The following OSBPL10 variants were observed in gnomAD, a reference collection of about 807,000 sequenced individuals.
OSBPL10 encodes the protein oxysterol-binding protein-related protein 10.
OSBPL10 carries 49 observed loss-of-function variants against 81.7 expected under a neutral mutation model. The ratio of observed to expected loss-of-function variants is 0.60; its 90% CI spans 0.48 to 0.76. The LOEUF (loss-of-function observed/expected upper bound fraction) is 0.76. Among genes scored for constraint, OSBPL10 ranks in the 30% least tolerant of loss-of-function variants. The pLI is 0.00. For synonymous variants in OSBPL10, 419 were observed against 383.6 expected (o/e 1.09, Z -1.08); for missense variants, 923 against 987.8 (o/e 0.93, Z 0.88).
intron 1 of OSBPL10, among the ~76,000 whole-genome samples, chr3:31,965,932 T>C (rs1698386331): frequency 9.4e-6 from 1 of 105,918 alleles, no homozygotes; most frequent in Admixed American, 1.3e-4. Flanking sequence ...TAATATATAT[T>C]ATATAAAATA....
intron 1 of OSBPL10, among the ~76,000 whole-genome samples, chr3:31,915,914 C>T (rs767331773): frequency 6.6e-5 from 10 of 151,738 alleles, no homozygotes; most frequent in South Asian, 2.1e-4. Flanking sequence ...ACCAATACGG[C>T]GAAACCCCGT....
At position 31,694,933 on chromosome 3, in the gene OSBPL10, T is replaced by C. The variant is rs1355245838; in HGVS notation, c.1245+7426A>G. Among the ~76,000 whole-genome samples, 8 of 152,330 alleles carry C rather than the reference T, an allele frequency of 5.3e-5. No homozygotes were observed. The East Asian group carries it at 1.5e-3, about 29-fold the overall frequency. ...CCATGCCCAGCTAATTTTGTATTTT[T>C]AGTAGAGACAGGGTTTTTCCATGTT... is the stretch of plus-strand genomic sequence containing the variant. On this transcript the variant is annotated intron_variant, in intron 7 of 11. Coordinates refer to ENST00000396556, the MANE Select transcript of OSBPL10 (RefSeq NM_017784.5).
intron 1 of OSBPL10, among the ~76,000 whole-genome samples, chr3:31,883,100 A>C (rs149124981): frequency 2.1e-4 from 32 of 152,258 alleles, no homozygotes; most frequent in African/African-American, 7.7e-4. Context: ...TGCTCATGGC[A>C]AGTTAGAACA....
intron 2 of OSBPL10, among the ~76,000 whole-genome samples, chr3:32,005,515 A>G (rs1311642865): frequency 1.3e-5 from 2 of 152,214 alleles, no homozygotes; most frequent in Non-Finnish European, 2.9e-5. Flanking sequence ...TGTGACGTCC[A>G]TAAGTATTGG....
intron 5 of OSBPL10, among the ~76,000 whole-genome samples, chr3:31,735,731 T>C (rs1419929140): frequency 2.8e-5 from 4 of 142,396 alleles, no homozygotes; most frequent in Non-Finnish European, 4.7e-5. Flanking sequence ...AGCTAAAATA[T>C]CACTTGCTCA....
rs186948925 is a variant in OSBPL10 at position 31,887,840 on chromosome 3, G to T, written c.282-8010C>A. Among the ~76,000 whole-genome samples the T allele has an allele frequency of 2.0e-5, 3 of 152,142 alleles. No individual in the cohort carries two copies. In the East Asian group the frequency reaches 5.8e-4, roughly 29 times the overall value. ...ATCTTCTTAACTCTTGGAATTTGTG[G>T]CAATGACTAGAGAAATGCAGTGGTC... On this transcript the variant is annotated intron_variant, in intron 1 of 11. Coordinates refer to ENST00000396556, the MANE Select transcript of OSBPL10 (RefSeq NM_017784.5).
intron 6 of OSBPL10, among the ~76,000 whole-genome samples, chr3:31,713,581 G>A (rs1354372606): frequency 6.6e-6 from 1 of 151,986 alleles, no homozygotes; most frequent in Non-Finnish European, 1.5e-5. Flanking sequence ...ACTTTTAGTA[G>A]AGATGGGGAT....
intron 4 of OSBPL10, among the ~76,000 whole-genome samples, chr3:31,774,029 G>T (rs911068309): frequency 2.6e-5 from 4 of 152,100 alleles, no homozygotes; most frequent in Non-Finnish European, 5.9e-5. Context: ...GGGCGTGGTG[G>T]CACGCGCCTG....
At position 31,841,176 on chromosome 3, in the gene OSBPL10, G is replaced by A. The variant is rs1700485740; in HGVS notation, c.538-10945C>T. The stretch of plus-strand genomic sequence containing the variant: ...ACCGCCTCGGCCTCCCAAAGTGTTG[G>A]GATTATAGGCATGAGCCACCGCACC... On this transcript the variant is annotated intron_variant, in intron 3 of 11. Coordinates refer to ENST00000396556, the MANE Select transcript of OSBPL10 (RefSeq NM_017784.5). Among the ~76,000 whole-genome samples the A allele has an allele frequency of 2.0e-5, 3 of 152,296 alleles. No individual in the cohort carries two copies. In the South Asian group the frequency reaches 6.2e-4, roughly 32 times the overall value.
intron 1 of OSBPL10, among the ~76,000 whole-genome samples, chr3:31,951,298 A>C (rs1174672742): frequency 4.6e-5 from 7 of 152,224 alleles, no homozygotes; most frequent in African/African-American, 1.7e-4. Flanking sequence ...AGAAAACTAT[A>C]TACAACATCC....
intron 9 of OSBPL10, 80 bp from the exon 10 acceptor site, chr3:31,668,904 A>AT (rs376063579): frequency 0.012 from 12,608 of 1,077,366 alleles, no homozygotes; most frequent in Non-Finnish European, 0.013. Context: ...ATCTCTAGAG[A>AT]TTTTTTTTTT....
chr3:31,743,017 G>GA (rs1413805561), intron 5 of OSBPL10, among the ~76,000 whole-genome samples: 1 of 144,434 alleles, frequency 6.9e-6, no homozygotes, highest in Non-Finnish European at 1.5e-5. Context: ...AGTCTTGACC[G>GA]AAAAGCTAAA....
intron 6 of OSBPL10, among the ~76,000 whole-genome samples, chr3:31,705,203 T>C (rs1696019587): frequency 1.3e-5 from 2 of 152,234 alleles, no homozygotes; most frequent in Non-Finnish European, 2.9e-5. Context: ...CCACAGCCTC[T>C]GAGAACTTGC....
chr3:31,998,581 C>A lies in OSBPL10; in HGVS notation n.298+47910G>T, dbSNP rs113434562. On this transcript the variant is annotated intron_variant and non_coding_transcript_variant, in intron 2 of 3. Transcript: ENST00000479173. ...ATCAAATTCCAGTTTCCTTATCTGT[C>A]CCTTTCATTGGATCTTTTTCAAATA... Among the ~76,000 whole-genome samples, 196 of 152,306 alleles carry A rather than the reference C, an allele frequency of 1.3e-3. No homozygotes were observed. In the Middle Eastern group the frequency reaches 0.037, roughly 29 times the overall value.
intron 3 of OSBPL10, among the ~76,000 whole-genome samples, chr3:31,876,189 T>C (rs1016014270): frequency 6.6e-6 from 1 of 152,138 alleles, no homozygotes; most frequent in African/African-American, 2.4e-5. Flanking sequence ...GACAACAGAA[T>C]GCAAAAGTGT....
At chr3:31,990,359 A>C (rs1439652147) in intron 2 of OSBPL10, 7 of 1,614,130 alleles carry the variant, frequency 4.3e-6, no homozygotes, top group Non-Finnish European at 5.1e-6. Context: ...AGATCTTACA[A>C]GTGTAATAAA....
chr3:32,026,823 T>C (rs529009066), intron 2 of OSBPL10, among the ~76,000 whole-genome samples: 3 of 152,250 alleles, frequency 2.0e-5, no homozygotes, highest in East Asian at 1.9e-4. Flanking sequence ...CAGTTCCCCA[T>C]AGAGCCCACT....
chr3:31,813,753 C>T (rs1236162758), intron 4 of OSBPL10, among the ~76,000 whole-genome samples: 3 of 152,274 alleles, frequency 2.0e-5, no homozygotes, highest in Admixed American at 2.0e-4. Flanking sequence ...CTGCTCCCAC[C>T]TGCCATGAGC....
At chr3:31,686,442 C>T (rs1700794674) in intron 7 of OSBPL10, among the ~76,000 whole-genome samples, 1 of 152,104 alleles carries the variant, frequency 6.6e-6, no homozygotes, top group Non-Finnish European at 1.5e-5. Flanking sequence ...AGAAAATGTG[C>T]CTGTCCTAAA....
Sources: allele counts gnomAD v4.1 joint callset (sites outside exome capture counted in the v4.1 genomes callset), GRCh38; gene constraint gnomAD v4.1.1; transcripts MANE v1.5; gene names NCBI Gene and HGNC (gene_info 2026-07-23, HGNC 2026-07-21).